MAPK10: variants seen among roughly 807,000 people sequenced by gnomAD.
MAPK10 encodes the protein JNK3 alpha protein kinase.
A neutral mutation model predicts 59.3 loss-of-function variants in MAPK10; 25 were observed. That is an observed-to-expected ratio of 0.42 (90% CI 0.31 to 0.59). MAPK10 has a LOEUF of 0.59. Among genes scored for constraint, MAPK10 ranks in the 20% least tolerant of loss-of-function variants. The pLI is 0.15. For synonymous variants in MAPK10, 190 were observed against 200.5 expected (o/e 0.95, Z 0.44); for missense variants, 351 against 568.9 (o/e 0.62, Z 3.90).
At chr4:86,419,395 C>T (rs754749565) in intron 1 of MAPK10, among the ~76,000 whole-genome samples, 3 of 152,066 alleles carry the variant, frequency 2.0e-5, no homozygotes, top group Non-Finnish European at 4.4e-5. Context: ...ATCTCTATGG[C>T]ATGATGTGTA....
intron 2 of MAPK10, among the ~76,000 whole-genome samples, chr4:86,302,067 G>A (rs1564149945): frequency 6.6e-6 from 1 of 151,378 alleles, no homozygotes; most frequent in African/African-American, 2.4e-5. Flanking sequence ...TTATTTTTCT[G>A]CTGGCATACA....
intron 9 of MAPK10, chr4:86,082,196 C>CT (rs1561462875): frequency 6.6e-6 from 1 of 152,056 alleles, no homozygotes; most frequent in African/African-American, 2.4e-5. Flanking sequence ...GTGGCTAACT[C>CT]TGTGTGGAAA....
intron 1 of MAPK10, among the ~76,000 whole-genome samples, chr4:86,380,990 T>C (rs559041074): frequency 1.3e-5 from 2 of 152,136 alleles, no homozygotes; most frequent in Non-Finnish European, 1.5e-5. Context: ...CCTCAGTAGG[T>C]TGAGGTTGCA....
At chr4:86,329,754 C>A (rs1315743899) in intron 2 of MAPK10, among the ~76,000 whole-genome samples, 1 of 152,162 alleles carries the variant, frequency 6.6e-6, no homozygotes, top group African/African-American at 2.4e-5. Flanking sequence ...CCACCGATAA[C>A]CTCATTTCTA....
At chr4:86,396,215 C>T (rs941847753) in intron 1 of MAPK10, among the ~76,000 whole-genome samples, 3 of 152,210 alleles carry the variant, frequency 2.0e-5, no homozygotes, top group South Asian at 2.1e-4. Flanking sequence ...GGCCTGGTGG[C>T]GGGCGCCTGT....
chr4:86,541,023 G>C (rs1273901948), intron 1 of MAPK10, among the ~76,000 whole-genome samples: 1 of 152,152 alleles, frequency 6.6e-6, no homozygotes, highest in Non-Finnish European at 1.5e-5. Flanking sequence ...GATAACGCAG[G>C]GTGGCTGCAA....
At chr4:86,150,850 A>G (rs925665772) in intron 4 of MAPK10, among the ~76,000 whole-genome samples, 3 of 152,136 alleles carry the variant, frequency 2.0e-5, no homozygotes, top group Non-Finnish European at 4.4e-5. Flanking sequence ...CGACAGAGTG[A>G]GACTCCGTCT....
chr4:86,085,927 AAC>A (rs1280414098), intron 9 of MAPK10, among the ~76,000 whole-genome samples: 3 of 152,158 alleles, frequency 2.0e-5, no homozygotes. Flanking sequence ...CAGAAAGACA[AAC>A]ACTGCATGTT....
intron 1 of MAPK10, among the ~76,000 whole-genome samples, chr4:86,583,430 T>C (rs1260852835): frequency 6.6e-6 from 1 of 152,148 alleles, no homozygotes; most frequent in Admixed American, 6.5e-5. Flanking sequence ...TCATAAGACA[T>C]AATTCCGGCC....
chr4:86,471,293 A>G (rs1482685090), intron 1 of MAPK10, among the ~76,000 whole-genome samples: 1 of 151,732 alleles, frequency 6.6e-6, no homozygotes, highest in African/African-American at 2.4e-5. Flanking sequence ...AAAAAAAAAA[A>G]AAGAATTAAA....
At chr4:86,287,509 A>G (rs1008094275) in intron 2 of MAPK10, among the ~76,000 whole-genome samples, 2 of 152,238 alleles carry the variant, frequency 1.3e-5, no homozygotes, top group African/African-American at 4.8e-5. Flanking sequence ...GTTTTAGGAA[A>G]GAAATAGTCA....
intron 2 of MAPK10, among the ~76,000 whole-genome samples, chr4:86,313,799 C>T (rs1435988249): frequency 1.3e-5 from 2 of 152,098 alleles, no homozygotes; most frequent in Non-Finnish European, 2.9e-5. Context: ...CACTGTATAG[C>T]AGTATCTTCC....
chr4:86,273,303 A>C (rs1243090115), intron 2 of MAPK10, among the ~76,000 whole-genome samples: 2 of 152,102 alleles, frequency 1.3e-5, no homozygotes, highest in African/African-American at 2.4e-5. Flanking sequence ...CAAAGCCAAG[A>C]GAAAAGCCAC....
At chr4:86,552,945 C>T (rs539120776) in intron 1 of MAPK10, among the ~76,000 whole-genome samples, 16 of 152,250 alleles carry the variant, frequency 1.1e-4, no homozygotes, top group South Asian at 6.2e-4. Context: ...GGGGCATGAA[C>T]GGTATGAACA....
In MAPK10 at chr4:86,415,753, A is replaced by G. The variant is rs368941477; in HGVS notation, c.-122+37277T>C. The stretch of plus-strand genomic sequence containing the variant: ...CAGGAGACCAAGAAGAGTGCTAAAA[A>G]TTCAAAATAATCTTGAAAACTAAAC... On this transcript the variant is annotated intron_variant, in intron 1 of 13. Coordinates refer to the MAPK10 transcript ENST00000361569. Among the ~76,000 whole-genome samples the G allele has an allele frequency of 3.5e-4, 53 of 152,334 alleles. 1 individual carries two copies. The East Asian group carries it at 6.8e-3, about 19-fold the overall frequency.
In MAPK10 at chr4:86,351,457, G is replaced by C. The variant is rs1236144258; in HGVS notation, c.-7+3073C>G. 3.3e-5 allele frequency among the ~76,000 whole-genome samples: 5 copies of C among 149,922 alleles called. No homozygotes were observed. In the East Asian group the frequency reaches 1.0e-3, roughly 30 times the overall value. The stretch of plus-strand genomic sequence containing the variant: ...TTATGACAAATATTGAATCTACCTA[G>C]CCGACAGGTATTAAAACTTGAGACT... On this transcript the variant is annotated intron_variant, in intron 2 of 13. Transcript: ENST00000641462.
chr4:86,199,860 A>G (rs1272903836), intron 2 of MAPK10, among the ~76,000 whole-genome samples: 1 of 152,084 alleles, frequency 6.6e-6, no homozygotes, highest in African/African-American at 2.4e-5. Context: ...CCAAACACTC[A>G]TAATAGCCAC....
intron 2 of MAPK10, among the ~76,000 whole-genome samples, chr4:86,229,402 T>C (rs2091195213): frequency 1.3e-5 from 2 of 152,188 alleles, no homozygotes; most frequent in Admixed American, 6.5e-5. Flanking sequence ...ATCTATATTA[T>C]GCCTACACCT....
At chr4:86,202,429 C>G (rs1298356109) in intron 2 of MAPK10, among the ~76,000 whole-genome samples, 1 of 151,854 alleles carries the variant, frequency 6.6e-6, no homozygotes, top group African/African-American at 2.4e-5. Context: ...TTTTATTAAT[C>G]TTCACAACCC....
Sources: allele counts gnomAD v4.1 joint callset (sites outside exome capture counted in the v4.1 genomes callset), GRCh38; gene constraint gnomAD v4.1.1; transcripts MANE v1.5; gene names NCBI Gene and HGNC (gene_info 2026-07-23, HGNC 2026-07-21).